KHDRBS2: variants seen among roughly 807,000 people sequenced by gnomAD.
The protein encoded by KHDRBS2 is KH RNA binding domain containing, signal transduction associated 2.
A neutral mutation model predicts 44.3 loss-of-function variants in KHDRBS2; 26 were observed. The observed-to-expected ratio is 0.59, with a 90% CI of 0.43 to 0.81. The LOEUF (loss-of-function observed/expected upper bound fraction) is 0.81. Among genes scored for constraint, KHDRBS2 ranks in the 40% least tolerant of loss-of-function variants. KHDRBS2 has a pLI of 0.00. For missense variants in KHDRBS2, 476 were observed against 433.1 expected (o/e 1.10, Z -0.88); for synonymous variants, 194 against 151.1 (o/e 1.28, Z -2.08).
the KHDRBS2 span, among the ~76,000 whole-genome samples, chr6:61,545,772 T>A: frequency 6.6e-6 from 1 of 151,916 alleles, no homozygotes; most frequent in African/African-American, 2.4e-5. Flanking sequence ...TAATTAAGGT[T>A]AAGTGAGATC....
chr6:62,057,966 T>A (rs1790679773), intron 2 of KHDRBS2, among the ~76,000 whole-genome samples: 1 of 151,922 alleles, frequency 6.6e-6, no homozygotes, highest in Admixed American at 6.6e-5. Flanking sequence ...TTTAACATAG[T>A]TTACCCAACA....
rs182499614 is a variant in KHDRBS2 at position 61,680,957 on chromosome 6, G to A, written c.*6C>T. On this transcript the variant is annotated 3_prime_UTR_variant, in exon 9 of 9. Transcript: ENST00000281156. ...TTTGAGGTGAGGTCACAGGTGGGAAGGACCTTCAATATCTACCATAGGGGT... is the reference window on the plus strand; with the variant it reads ...TTTGAGGTGAGGTCACAGGTGGGAAAGACCTTCAATATCTACCATAGGGGT... The A allele has an allele frequency of 2.0e-5, 32 of 1,587,926 alleles. No individual in the cohort carries two copies. In the East Asian group the frequency reaches 7.2e-4, roughly 36 times the overall value.
intron 1 of KHDRBS2, among the ~76,000 whole-genome samples, chr6:62,177,853 A>G (rs1821454929): frequency 6.6e-6 from 1 of 151,424 alleles, no homozygotes; most frequent in African/African-American, 2.4e-5. Flanking sequence ...AAATCTATAA[A>G]TGCTAACATT....
intron 6 of KHDRBS2, among the ~76,000 whole-genome samples, chr6:61,871,265 A>G (rs896995394): frequency 6.6e-5 from 10 of 152,200 alleles, no homozygotes; most frequent in Admixed American, 4.6e-4. Context: ...TCAGAGATTG[A>G]AGATCAACTT....
chr6:62,195,694 T>C (rs1223699755), intron 1 of KHDRBS2, among the ~76,000 whole-genome samples: 1 of 152,062 alleles, frequency 6.6e-6, no homozygotes, highest in African/African-American at 2.4e-5. Context: ...AGTGAATGAA[T>C]GTAAAAGTGA....
At chr6:62,017,772 A>G (rs1013443369) in intron 3 of KHDRBS2, among the ~76,000 whole-genome samples, 5 of 152,130 alleles carry the variant, frequency 3.3e-5, no homozygotes, top group Admixed American at 2.6e-4. Flanking sequence ...AGATTGTAAT[A>G]TTTTTCATTC....
chr6:62,233,733 T>C (rs1289331236), intron 1 of KHDRBS2, among the ~76,000 whole-genome samples: 2 of 152,120 alleles, frequency 1.3e-5, no homozygotes, highest in Non-Finnish European at 2.9e-5. Flanking sequence ...AGTGAGAACA[T>C]GTGGTATTTG....
chr6:61,587,006 C>T, the KHDRBS2 span, among the ~76,000 whole-genome samples: 2 of 152,168 alleles, frequency 1.3e-5, no homozygotes, highest in East Asian at 1.9e-4. Context: ...TTTAGCTGCA[C>T]ACCCGTTCAT....
chr6:62,086,799 G>A (rs978930532), intron 2 of KHDRBS2, among the ~76,000 whole-genome samples: 11 of 152,054 alleles, frequency 7.2e-5, no homozygotes, highest in Admixed American at 6.6e-4. Flanking sequence ...AGTAGCAGGT[G>A]GGTACAAGGC....
At chr6:61,942,714 T>C (rs572449052) in intron 4 of KHDRBS2, among the ~76,000 whole-genome samples, 48 of 152,176 alleles carry the variant, frequency 3.2e-4, no homozygotes, top group African/African-American at 1.2e-3. Context: ...GAAATCCATA[T>C]ACAGAAGGCT....
intron 7 of KHDRBS2, among the ~76,000 whole-genome samples, chr6:61,706,603 T>C (rs796576909): frequency 5.3e-5 from 8 of 151,900 alleles, no homozygotes; most frequent in African/African-American, 1.9e-4. Context: ...TCTATTTACC[T>C]AGACAATTGT....
chr6:61,550,997 C>G, the KHDRBS2 span, among the ~76,000 whole-genome samples: 2 of 152,052 alleles, frequency 1.3e-5, no homozygotes, highest in Non-Finnish European at 2.9e-5. Context: ...TGGTCTGGAA[C>G]TTCTGGCCTC....
chr6:61,589,547 G>A, the KHDRBS2 span, among the ~76,000 whole-genome samples: 1 of 152,058 alleles, frequency 6.6e-6, no homozygotes, highest in Admixed American at 6.6e-5. Flanking sequence ...AGGATAATTT[G>A]ACCTGAAAAC....
At chr6:62,275,547 T>C (rs1229659518) in intron 1 of KHDRBS2, among the ~76,000 whole-genome samples, 1 of 152,204 alleles carries the variant, frequency 6.6e-6, no homozygotes, top group African/African-American at 2.4e-5. Context: ...AATACTCTTT[T>C]ATAAAATGAA....
At chr6:61,849,056 G>T (rs1300053104) in intron 6 of KHDRBS2, among the ~76,000 whole-genome samples, 1 of 151,980 alleles carries the variant, frequency 6.6e-6, no homozygotes, top group Non-Finnish European at 1.5e-5. Flanking sequence ...TCATTTCACT[G>T]TTTTCTCCTG....
At chr6:62,189,394 A>T (rs1446520270) in intron 1 of KHDRBS2, among the ~76,000 whole-genome samples, 1 of 151,980 alleles carries the variant, frequency 6.6e-6, no homozygotes, top group African/African-American at 2.4e-5. Context: ...ACTCTGGGCC[A>T]GAACTGTGCA....
intron 4 of KHDRBS2, among the ~76,000 whole-genome samples, chr6:61,954,494 T>G (rs753948128): frequency 7.1e-6 from 1 of 140,308 alleles, no homozygotes; most frequent in Non-Finnish European, 1.5e-5. Flanking sequence ...TGCGTATGTA[T>G]GTATGCATAA....
rs1212929607 is a variant in KHDRBS2, at chr6:61,945,115, A to ATG, written c.483+32950_483+32951insCA. Among the ~76,000 whole-genome samples the ATG allele has an allele frequency of 2.5e-4, 13 of 52,532 alleles. No homozygotes were observed. The East Asian group carries it at 4.2e-3, about 17-fold the overall frequency. The allele number at this position is 52,532 out of a possible 152,430, so 34.5% of individuals were successfully genotyped here. On this transcript the variant is annotated intron_variant, in intron 4 of 8. Coordinates refer to ENST00000281156, the MANE Select transcript of KHDRBS2 (RefSeq NM_152688.4). ...TAAAAAAAAAAAAAAAAAAAAAAGT[A>ATG]TATATATATATATATATATATATAT...
chr6:61,792,304 TTAAA>T (rs1477767001), intron 6 of KHDRBS2, among the ~76,000 whole-genome samples: 1 of 151,456 alleles, frequency 6.6e-6, no homozygotes, highest in Non-Finnish European at 1.5e-5. Context: ...AGTTTCTATA[TTAAA>T]TATTTCTATA....
Sources: gnomAD v4.1 joint callset for allele counts (sites outside exome capture counted in the v4.1 genomes callset) on GRCh38, gnomAD v4.1.1 for gene constraint, MANE v1.5 for transcripts, NCBI Gene and HGNC (gene_info 2026-07-23, HGNC 2026-07-21) for gene names.